Variants in PDLIM5 observed in about 807,000 individuals in gnomAD.
PDLIM5 encodes PDZ and LIM domain protein 5.
PDLIM5 carries 34 observed loss-of-function variants against 64.2 expected under a neutral mutation model. The ratio of observed to expected loss-of-function variants is 0.53; its 90% CI spans 0.40 to 0.71. The LOEUF (loss-of-function observed/expected upper bound fraction) is 0.71, where lower values mean the gene tolerates loss of function less well. PDLIM5 is among the 30% of genes least tolerant of loss of function. The pLI is 0.00. For missense variants in PDLIM5, 683 were observed against 733.6 expected, an observed-to-expected ratio of 0.93 and a Z score of 0.80; for synonymous variants, 253 against 269.1, an observed-to-expected ratio of 0.94 and a Z score of 0.59.
chr4:94,647,185 A>G (rs1270416716), intron 9 of PDLIM5, among the ~76,000 whole-genome samples: 1 of 152,186 alleles, frequency 6.6e-6, no homozygotes, highest in Non-Finnish European at 1.5e-5. Context: ...AATATATCAC[A>G]CACTCCAGCT....
intron 3 of PDLIM5, among the ~76,000 whole-genome samples, chr4:94,524,515 A>G (rs1190855275): frequency 6.6e-6 from 1 of 151,744 alleles, no homozygotes; most frequent in Admixed American, 6.6e-5. Flanking sequence ...CTTTTAGGAT[A>G]TGATTTGGCT....
At chr4:94,534,211 G>A (rs1193497506) in intron 3 of PDLIM5, among the ~76,000 whole-genome samples, 1 of 152,128 alleles carries the variant, frequency 6.6e-6, no homozygotes, top group South Asian at 2.1e-4. Flanking sequence ...AAACAAAAAT[G>A]TGAGTTTTTT....
chr4:94,664,334 A>C lies in PDLIM5; in HGVS notation c.*267A>C. 4.1e-6 allele frequency: 3 copies of C among 724,882 alleles called. No individual in the cohort carries two copies. Among genetic ancestry groups the C allele is most frequent in the Non-Finnish European group, 5.2e-6 (3 of 580,784 alleles). 44.9% of individuals were successfully genotyped at this position (724,882 alleles called of 1,614,324 possible). A position where few individuals can be genotyped will look rare whatever the true frequency, so the allele number is the denominator to read the frequency against. On this transcript the variant is annotated 3_prime_UTR_variant, in exon 13 of 13. Transcript: ENST00000317968. ...AAACCAATTTCCTGATGGACTATTA[A>C]ATTCATCTTAGAATAAATTAGTGAA...
intron 2 of PDLIM5, among the ~76,000 whole-genome samples, chr4:94,485,849 CA>C (rs10637280): frequency 1.3e-3 from 133 of 100,208 alleles, no homozygotes; most frequent in South Asian, 1.6e-3. Flanking sequence ...GACTCCGTCT[CA>C]AAAAAAAAAA....
intron 2 of PDLIM5, among the ~76,000 whole-genome samples, chr4:94,471,472 T>C (rs1268781664): frequency 2.0e-5 from 3 of 152,148 alleles, no homozygotes; most frequent in Admixed American, 1.3e-4. Flanking sequence ...TCAAAACTAA[T>C]ATATTAGTAC....
chr4:94,606,312 C>T (rs1449495614), intron 7 of PDLIM5, among the ~76,000 whole-genome samples: 1 of 152,138 alleles, frequency 6.6e-6, no homozygotes, highest in Non-Finnish European at 1.5e-5. Context: ...AAAGTACAGA[C>T]TGCTATGACA....
At chr4:94,590,105 A>T (rs1234701414) in intron 7 of PDLIM5, among the ~76,000 whole-genome samples, 1 of 152,122 alleles carries the variant, frequency 6.6e-6, no homozygotes, top group African/African-American at 2.4e-5. Flanking sequence ...ACAGTGTTTT[A>T]TTCAGAAGAC....
intron 3 of PDLIM5, among the ~76,000 whole-genome samples, chr4:94,554,651 GA>G (rs1206279613): frequency 6.6e-6 from 1 of 152,156 alleles, no homozygotes; most frequent in Non-Finnish European, 1.5e-5. Flanking sequence ...AAATGCATAT[GA>G]TATAAGAGCA....
intron 2 of PDLIM5, among the ~76,000 whole-genome samples, chr4:94,472,694 C>T (rs538537315): frequency 4.6e-5 from 7 of 152,198 alleles, no homozygotes; most frequent in East Asian, 1.9e-4. Flanking sequence ...TCCCTAAATG[C>T]GGCATTTATA....
At chr4:94,560,942 T>C (rs1733786557) in intron 3 of PDLIM5, among the ~76,000 whole-genome samples, 1 of 152,130 alleles carries the variant, frequency 6.6e-6, no homozygotes, top group Non-Finnish European at 1.5e-5. Context: ...TTAGCCAGGA[T>C]GGTCTTGATC....
chr4:94,585,171 A>G (rs1425814522), intron 5 of PDLIM5, among the ~76,000 whole-genome samples: 3 of 152,010 alleles, frequency 2.0e-5, no homozygotes, highest in African/African-American at 4.8e-5. Flanking sequence ...GCTCACTGCA[A>G]CCTCCACATC....
At chr4:94,615,249 A>T (rs1222140368) in intron 7 of PDLIM5, among the ~76,000 whole-genome samples, 1 of 152,190 alleles carries the variant, frequency 6.6e-6, no homozygotes, top group East Asian at 1.9e-4. Context: ...AGGAGACAAG[A>T]TGCATAAAGA....
At chr4:94,636,289 GA>G (rs1260640334) in intron 8 of PDLIM5, among the ~76,000 whole-genome samples, 1 of 152,102 alleles carries the variant, frequency 6.6e-6, no homozygotes, top group Non-Finnish European at 1.5e-5. Context: ...TATGGTAGAT[GA>G]AAGGGTTTGG....
At chr4:94,553,883 G>C (rs996868113) in intron 3 of PDLIM5, among the ~76,000 whole-genome samples, 2 of 152,118 alleles carry the variant, frequency 1.3e-5, no homozygotes, top group African/African-American at 4.8e-5. Context: ...TGGTAAGCTT[G>C]TGGGAAATGT....
chr4:94,646,465 T>A (rs1192863327), intron 9 of PDLIM5, among the ~76,000 whole-genome samples: 1 of 152,218 alleles, frequency 6.6e-6, no homozygotes, highest in African/African-American at 2.4e-5. Context: ...TAAATTCTTG[T>A]TGTTGAAGCC....
In PDLIM5 at chr4:94,585,610, T is replaced by C; in HGVS notation, c.756T>C (p.His252=). The change falls in exon 6 of 13, where the codon CAT becomes CAC. Residue 252 remains histidine, a synonymous_variant. Transcript: ENST00000317968. ...HIVERYTEFY[H]VPTHSDASKK... ...TGGAGCGCTATACAGAGTTTTATCA[T>C]GTACCCACTCACAGTGATGCCAGCA... 6.2e-7 allele frequency: 1 copy of C among 1,613,516 alleles called. No individual in the cohort carries two copies. The highest frequency in any genetic ancestry group is 8.5e-7 in the Non-Finnish European group (1 of 1,179,762).
intron 8 of PDLIM5, among the ~76,000 whole-genome samples, chr4:94,625,356 G>A (rs1057288430): frequency 3.3e-5 from 5 of 152,080 alleles, no homozygotes; most frequent in Non-Finnish European, 7.3e-5. Flanking sequence ...ATGGAGGCAG[G>A]CATTCTACTG....
intron 2 of PDLIM5, among the ~76,000 whole-genome samples, chr4:94,479,215 A>G (rs1252757731): frequency 2.0e-5 from 3 of 150,864 alleles, no homozygotes; most frequent in Non-Finnish European, 4.4e-5. Flanking sequence ...TTCATTTTGT[A>G]AAACACACCA....
chr4:94,634,556 C>T (rs58921520), intron 8 of PDLIM5, among the ~76,000 whole-genome samples: 1 of 152,064 alleles, frequency 6.6e-6, no homozygotes, highest in African/African-American at 2.4e-5. Context: ...GTATTTTTTT[C>T]GCATAGTGTA....
Sources: gnomAD v4.1 joint callset for allele counts (sites outside exome capture counted in the v4.1 genomes callset) on GRCh38, gnomAD v4.1.1 for gene constraint, MANE v1.5 for transcripts, NCBI Gene and HGNC (gene_info 2026-07-23, HGNC 2026-07-21) for gene names.